Variants in TUSC3 observed in about 807,000 individuals in gnomAD.
TUSC3 encodes the protein dolichyl-diphosphooligosaccharide--protein glycosyltransferase subunit TUSC3.
TUSC3 carries 45 observed loss-of-function variants against 44.8 expected under a neutral mutation model. The ratio of observed to expected loss-of-function variants is 1.00; its 90% CI spans 0.79 to 1.29. The LOEUF is 1.29. Among genes scored for constraint, TUSC3 ranks in the 50% most tolerant of loss-of-function variants. TUSC3 has a pLI of 0.00. For missense variants in TUSC3, 519 were observed against 437.9 expected, an observed-to-expected ratio of 1.19 and a Z score of -1.65; for synonymous variants, 212 against 152.9, an observed-to-expected ratio of 1.39 and a Z score of -2.85.
chr8:15,714,020 C>T (rs1585258315), intron 6 of TUSC3, among the ~76,000 whole-genome samples: 1 of 152,088 alleles, frequency 6.6e-6, no homozygotes. Flanking sequence ...TGAAAGTGCG[C>T]CTTGAAGGAT....
chr8:15,461,156 G>A (rs137905065), intron 1 of TUSC3, among the ~76,000 whole-genome samples: 331 of 152,222 alleles, frequency 2.2e-3, no homozygotes, highest in African/African-American at 7.7e-3. Context: ...CTACCCATCC[G>A]TGAGCATGGG....
At chr8:15,687,531 G>T (rs946519140) in intron 6 of TUSC3, among the ~76,000 whole-genome samples, 4 of 151,998 alleles carry the variant, frequency 2.6e-5, no homozygotes, top group African/African-American at 7.2e-5. Flanking sequence ...TGTTGTTGCC[G>T]CTCATTCCTT....
rs563318211 is a variant in TUSC3 at position 15,523,997 on chromosome 8, A to G, written n.189+40514A>G. Among the ~76,000 whole-genome samples, 75 of 150,366 alleles carry G rather than the reference A, an allele frequency of 5.0e-4. No individual in the cohort carries two copies. In the South Asian group the frequency reaches 0.015, roughly 31 times the overall value. ...CTTGAACCCAGAAGGTGCAGGTTGCAGTGACCTGAGATTGCGCCACTGCAC... is the reference window on the plus strand; with the variant it reads ...CTTGAACCCAGAAGGTGCAGGTTGCGGTGACCTGAGATTGCGCCACTGCAC... On this transcript the variant is annotated intron_variant and non_coding_transcript_variant, in intron 2 of 5. Coordinates refer to the TUSC3 transcript ENST00000503191.
chr8:15,802,289 T>C, the TUSC3 span, among the ~76,000 whole-genome samples: 30 of 152,330 alleles, frequency 2.0e-4, no homozygotes, highest in African/African-American at 7.0e-4. Context: ...CATGCCTTCT[T>C]TCTTGTCAAA....
At chr8:15,838,995 G>C in the TUSC3 span, among the ~76,000 whole-genome samples, 1 of 152,232 alleles carries the variant, frequency 6.6e-6, no homozygotes, top group African/African-American at 2.4e-5. Context: ...CATGAACATG[G>C]AATGTTCTTC....
At chr8:15,836,878 T>C in the TUSC3 span, among the ~76,000 whole-genome samples, 33 of 152,318 alleles carry the variant, frequency 2.2e-4, no homozygotes, top group East Asian at 6.2e-3. Context: ...CCTCACTTTT[T>C]TGGGCTATAT....
intron 1 of TUSC3, among the ~76,000 whole-genome samples, chr8:15,481,858 G>A (rs1022381866): frequency 6.6e-6 from 1 of 152,112 alleles, no homozygotes; most frequent in Non-Finnish European, 1.5e-5. Context: ...CTAAAACTTG[G>A]GGTGGCTGTG....
intron 2 of TUSC3, among the ~76,000 whole-genome samples, chr8:15,645,966 C>T (rs1356212189): frequency 1.3e-5 from 2 of 152,146 alleles, no homozygotes; most frequent in South Asian, 2.1e-4. Context: ...TAGTGGCTGG[C>T]TATGAAACTA....
intron 1 of TUSC3, among the ~76,000 whole-genome samples, chr8:15,478,418 G>A (rs1318734669): frequency 6.6e-6 from 1 of 152,010 alleles, no homozygotes; most frequent in Non-Finnish European, 1.5e-5. Flanking sequence ...TTATCCTGGT[G>A]CTCTCTCTCC....
chr8:15,679,268 T>C (rs141734517), intron 6 of TUSC3, among the ~76,000 whole-genome samples: 167 of 150,960 alleles, frequency 1.1e-3, no homozygotes, highest in African/African-American at 3.9e-3. Context: ...GGAAGCATCT[T>C]TTTTTTTTGA....
chr8:15,735,255 G>C (rs1213537630), intron 7 of TUSC3, among the ~76,000 whole-genome samples: 1 of 134,280 alleles, frequency 7.4e-6, no homozygotes, highest in African/African-American at 2.9e-5. Context: ...TAAGGGAATG[G>C]AGAGTGACTC....
intron 2 of TUSC3, among the ~76,000 whole-genome samples, chr8:15,641,510 T>A (rs1049630330): frequency 6.6e-6 from 1 of 152,052 alleles, no homozygotes; most frequent in African/African-American, 2.4e-5. Context: ...AGAAGTAAGG[T>A]CTGAAAATGC....
At chr8:15,655,512 C>G (rs909973358) in intron 3 of TUSC3, among the ~76,000 whole-genome samples, 3 of 152,212 alleles carry the variant, frequency 2.0e-5, no homozygotes, top group Non-Finnish European at 4.4e-5. Flanking sequence ...GTGTATGAAA[C>G]TCCAAGTCAA....
chr8:15,546,854 C>T (rs543872596), intron 1 of TUSC3, among the ~76,000 whole-genome samples: 2 of 151,672 alleles, frequency 1.3e-5, no homozygotes, highest in South Asian at 4.2e-4. Context: ...TAATTTTTTT[C>T]ATGGTAGTTG....
At chr8:15,728,344 A>G (rs1401465818) in intron 6 of TUSC3, among the ~76,000 whole-genome samples, 1 of 150,828 alleles carries the variant, frequency 6.6e-6, no homozygotes, top group East Asian at 2.0e-4. Flanking sequence ...TGGGCCTTAT[A>G]TTTTAGCCTC....
At chr8:15,803,762 G>A in the TUSC3 span, among the ~76,000 whole-genome samples, 1 of 151,896 alleles carries the variant, frequency 6.6e-6, no homozygotes, top group African/African-American at 2.4e-5. Context: ...CTGTGTCTGT[G>A]TTGTTCAACT....
At chr8:15,484,922 T>C (rs772725770) in intron 2 of TUSC3, among the ~76,000 whole-genome samples, 3 of 152,238 alleles carry the variant, frequency 2.0e-5, no homozygotes, top group Non-Finnish European at 4.4e-5. Context: ...AAACTATTTC[T>C]TTGTAAAAAC....
chr8:15,487,420 A>G (rs544156865), intron 2 of TUSC3, among the ~76,000 whole-genome samples: 5 of 152,162 alleles, frequency 3.3e-5, no homozygotes, highest in Non-Finnish European at 7.3e-5. Context: ...CTAGCATCCA[A>G]TTCCGTAGCC....
In TUSC3 at chr8:15,764,451, C is replaced by T. The variant is rs989476347; in HGVS notation, c.*295C>T. The T allele has an allele frequency of 2.2e-6, 1 of 454,154 alleles. No homozygotes were observed. Among genetic ancestry groups the T allele is most frequent in the Admixed American group, 3.7e-5 (1 of 27,036 alleles). The allele number at this position is 454,154 out of a possible 1,614,324, so 28.1% of individuals were successfully genotyped here. A position where few individuals can be genotyped will look rare whatever the true frequency, so the allele number is the denominator to read the frequency against. On this transcript the variant is annotated 3_prime_UTR_variant, in exon 11 of 11. Transcript: ENST00000503731. Reference sequence around the variant, plus strand: ...TCAAGCCTGTTATATTCAGTGTGTGCCACAGGATTGAAATAAATGACAATG... The same window carrying T: ...TCAAGCCTGTTATATTCAGTGTGTGTCACAGGATTGAAATAAATGACAATG...
Sources: gnomAD v4.1 joint callset for allele counts (sites outside exome capture counted in the v4.1 genomes callset) on GRCh38, gnomAD v4.1.1 for gene constraint, MANE v1.5 for transcripts, NCBI Gene and HGNC (gene_info 2026-07-23, HGNC 2026-07-21) for gene names.